Variants in CADPS observed in about 807,000 individuals in gnomAD.
The protein encoded by CADPS is calcium-dependent secretion activator 1.
Under a neutral mutation model 167.3 loss-of-function variants are expected in CADPS, and 57 were observed. That is an observed-to-expected ratio of 0.34 (90% confidence interval 0.28 to 0.42). The LOEUF is 0.42. CADPS is among the 20% of genes least tolerant of loss of function. CADPS has a pLI of 1.00. For synonymous variants in CADPS, 676 were observed against 635.3 expected, an observed-to-expected ratio of 1.06 and a Z score of -0.96; for missense variants, 1,414 against 1,738.1, an observed-to-expected ratio of 0.81 and a Z score of 3.32.
intron 21 of CADPS, among the ~76,000 whole-genome samples, chr3:62,490,217 T>C (rs1378347569): frequency 1.3e-5 from 2 of 152,152 alleles, no homozygotes; most frequent in Non-Finnish European, 2.9e-5. Context: ...TCCTAAAATG[T>C]GCTTGTAACA....
intron 6 of CADPS, among the ~76,000 whole-genome samples, chr3:62,610,270 T>C (rs556239954): frequency 6.6e-6 from 1 of 151,878 alleles, no homozygotes; most frequent in Admixed American, 6.6e-5. Context: ...CTTTCTTCCT[T>C]TTTGGAGTCT....
chr3:62,784,147 C>A (rs1329458307), intron 1 of CADPS, among the ~76,000 whole-genome samples: 2 of 152,052 alleles, frequency 1.3e-5, no homozygotes, highest in Admixed American at 1.3e-4. Flanking sequence ...GACACAGAAA[C>A]CAATTAAAGG....
chr3:62,751,518 G>A (rs1698394365), intron 3 of CADPS, among the ~76,000 whole-genome samples: 1 of 152,050 alleles, frequency 6.6e-6, no homozygotes, highest in African/African-American at 2.4e-5. Context: ...GTGATCTCAG[G>A]TTCAAGCAAT....
intron 6 of CADPS, among the ~76,000 whole-genome samples, chr3:62,615,451 T>C (rs2062114314): frequency 6.6e-6 from 1 of 152,168 alleles, no homozygotes. Context: ...AATCAGCGAC[T>C]GTGTTAAGTG....
intron 1 of CADPS, among the ~76,000 whole-genome samples, chr3:62,810,604 C>G (rs1406792453): frequency 1.3e-5 from 2 of 152,134 alleles, no homozygotes. Flanking sequence ...ATTGAGAGAA[C>G]AAAATGACTT....
intron 1 of CADPS, among the ~76,000 whole-genome samples, chr3:62,771,896 C>T (rs2088883394): frequency 6.6e-6 from 1 of 152,176 alleles, no homozygotes; most frequent in South Asian, 2.1e-4. Flanking sequence ...GAGAAAACGG[C>T]ATGTTCTAAG....
intron 4 of CADPS, among the ~76,000 whole-genome samples, chr3:62,655,995 G>T (rs1198972145): frequency 6.6e-6 from 1 of 152,136 alleles, no homozygotes; most frequent in African/African-American, 2.4e-5. Context: ...CAGTGAAACG[G>T]ACTCGACCCT....
At chr3:62,633,713 C>T (rs1032547837) in intron 6 of CADPS, among the ~76,000 whole-genome samples, 4 of 152,134 alleles carry the variant, frequency 2.6e-5, no homozygotes, top group Non-Finnish European at 5.9e-5. Flanking sequence ...CACCAAATCA[C>T]CACCCTACAT....
chr3:62,430,387 G>A (rs930882212), intron 28 of CADPS, among the ~76,000 whole-genome samples: 5 of 152,032 alleles, frequency 3.3e-5, no homozygotes, highest in African/African-American at 4.8e-5. Context: ...CAAAACACTC[G>A]GTTCATCTCC....
Position 62,817,065 on chromosome 3 carries a change from G to C in CADPS, c.442-51081C>G, listed in dbSNP as rs2094651279. Among the ~76,000 whole-genome samples the C allele has an allele frequency of 2.0e-5, 3 of 152,258 alleles. No homozygotes were observed. The South Asian group carries it at 6.2e-4, about 32-fold the overall frequency. ...AAAGGCATATGAAGTCCCTAGAGCAGAGGTTACCTGGAGTCTCTAAGGATT... is the reference window on the plus strand; with the variant it reads ...AAAGGCATATGAAGTCCCTAGAGCACAGGTTACCTGGAGTCTCTAAGGATT... On this transcript the variant is annotated intron_variant, in intron 1 of 29. Transcript: ENST00000383710.
At chr3:62,469,838 A>G (rs113847434) in intron 24 of CADPS, among the ~76,000 whole-genome samples, 37 of 152,256 alleles carry the variant, frequency 2.4e-4, no homozygotes, top group African/African-American at 8.4e-4. Flanking sequence ...AACTTGCCCT[A>G]TACTCCAAAA....
intron 4 of CADPS, among the ~76,000 whole-genome samples, chr3:62,655,675 G>A (rs1393073808): frequency 6.6e-6 from 1 of 152,110 alleles, no homozygotes; most frequent in African/African-American, 2.4e-5. Context: ...CCTTCAGAGT[G>A]AGGTTCCCTA....
chr3:62,415,165 T>G (rs1261550645), intron 28 of CADPS, among the ~76,000 whole-genome samples: 3 of 144,682 alleles, frequency 2.1e-5, no homozygotes, highest in African/African-American at 7.5e-5. Flanking sequence ...GTTGCCGAAA[T>G]AGCAATCTTG....
rs72887710 is a variant in CADPS, at chr3:62,430,386, C to T, written c.3777+7718G>A. ...GGCATCAGAAAAGCACCAAAACACT[C>T]GGTTCATCTCCTCTCATCCTAATAG... On this transcript the variant is annotated intron_variant, in intron 28 of 29. Coordinates refer to ENST00000383710, the MANE Select transcript of CADPS (RefSeq NM_003716.4). 3.8e-3 allele frequency among the ~76,000 whole-genome samples: 586 copies of T among 152,222 alleles called. 3 individuals carry two copies. Among genetic ancestry groups the T allele is most frequent in the African/African-American group, 0.012 (516 of 41,538 alleles).
chr3:62,802,253 T>C (rs1255723660), intron 1 of CADPS, among the ~76,000 whole-genome samples: 6 of 152,156 alleles, frequency 3.9e-5, no homozygotes, highest in South Asian at 2.1e-4. Flanking sequence ...CAAACCTACA[T>C]ACCTGTAAAA....
intron 1 of CADPS, among the ~76,000 whole-genome samples, chr3:62,843,516 T>G (rs1200693028): frequency 6.6e-6 from 1 of 152,120 alleles, no homozygotes; most frequent in Non-Finnish European, 1.5e-5. Context: ...TGTGTGTGTG[T>G]GTCTATGTGT....
At chr3:62,568,665 C>G (rs1428396546) in intron 9 of CADPS, among the ~76,000 whole-genome samples, 2 of 152,192 alleles carry the variant, frequency 1.3e-5, no homozygotes, top group Non-Finnish European at 2.9e-5. Context: ...TTGCAGACAG[C>G]CTATTGTGTG....
intron 26 of CADPS, among the ~76,000 whole-genome samples, chr3:62,450,800 G>A (rs938552972): frequency 2.0e-5 from 3 of 152,124 alleles, no homozygotes; most frequent in African/African-American, 4.8e-5. Flanking sequence ...TAGGATGAAC[G>A]TGCTTGCTCC....
intron 3 of CADPS, among the ~76,000 whole-genome samples, chr3:62,719,059 C>T (rs116256340): frequency 0.034 from 5,185 of 152,212 alleles, 110 homozygotes; most frequent in Non-Finnish European, 0.05. Flanking sequence ...CTGGTGATGC[C>T]GTCTGGGTTT....
Sources: gnomAD v4.1 joint callset for allele counts (sites outside exome capture counted in the v4.1 genomes callset) on GRCh38, gnomAD v4.1.1 for gene constraint, MANE v1.5 for transcripts, NCBI Gene and HGNC (gene_info 2026-07-23, HGNC 2026-07-21) for gene names.